The following STAU2 variants were observed in gnomAD, a reference collection of about 807,000 sequenced individuals.
The protein encoded by STAU2 is double-stranded RNA-binding protein Staufen homolog 2.
Under a neutral mutation model 65.9 loss-of-function variants are expected in STAU2, and 20 were observed. That is an observed-to-expected ratio of 0.30 (90% confidence interval 0.21 to 0.44). The LOEUF is 0.44. STAU2 is among the 20% of genes least tolerant of loss of function. The pLI, the probability that STAU2 is intolerant of heterozygous loss-of-function variation, is 1.00. For synonymous variants in STAU2, 232 were observed against 233.9 expected, an observed-to-expected ratio of 0.99 and a Z score of 0.07; for missense variants, 558 against 683.9, an observed-to-expected ratio of 0.82 and a Z score of 2.05.
chr8:73,724,002 T>C (rs1433764499), intron 3 of STAU2, among the ~76,000 whole-genome samples: 4 of 152,244 alleles, frequency 2.6e-5, no homozygotes, highest in African/African-American at 9.6e-5. Flanking sequence ...CTTTCAAGTC[T>C]TGTTTTTATA....
At chr8:73,630,867 C>T (rs567748891) in intron 6 of STAU2, among the ~76,000 whole-genome samples, 21 of 152,324 alleles carry the variant, frequency 1.4e-4, no homozygotes, top group African/African-American at 4.6e-4. Context: ...TATGAAGCTG[C>T]AGCATCTCTA....
intron 13 of STAU2, among the ~76,000 whole-genome samples, chr8:73,458,319 GTAT>G (rs1819175486): frequency 6.6e-6 from 1 of 152,154 alleles, no homozygotes; most frequent in Admixed American, 6.5e-5. Flanking sequence ...TCCCTGTTCA[GTAT>G]TATTCTAAGA....
chr8:73,627,328 A>G (rs1022646505), intron 6 of STAU2, among the ~76,000 whole-genome samples: 2 of 151,624 alleles, frequency 1.3e-5, no homozygotes, highest in Admixed American at 1.3e-4. Context: ...CTTGCTAAAA[A>G]GCAGATTCAG....
At chr8:73,498,462 CT>C (rs935375024) in intron 13 of STAU2, among the ~76,000 whole-genome samples, 13 of 147,968 alleles carry the variant, frequency 8.8e-5, no homozygotes, top group South Asian at 2.1e-4. Flanking sequence ...TGCATGTTTA[CT>C]TTTTTTTTTG....
At chr8:73,632,140 A>C (rs1814140712) in intron 6 of STAU2, among the ~76,000 whole-genome samples, 1 of 152,156 alleles carries the variant, frequency 6.6e-6, no homozygotes, top group Admixed American at 6.6e-5. Context: ...ATATTGCATT[A>C]GAAATATAGA....
chr8:73,517,164 CT>C (rs1822782578), intron 13 of STAU2, among the ~76,000 whole-genome samples: 1 of 152,066 alleles, frequency 6.6e-6, no homozygotes, highest in Admixed American at 6.6e-5. Context: ...TGCCTGTAAT[CT>C]CATCACTTTG....
rs138728668 is a variant in STAU2, at chr8:73,552,315, T to C, written c.1227A>G (p.Pro409=). Residue 409 remains proline, a synonymous_variant, in exon 13 of 15, where the codon CCA becomes CCG. Transcript: ENST00000524300. The part of the protein sequence containing the change: ...PGFPEPTNNT[P]KGILHLSPDV... ...CAGGAGACAAATGAAGAATTCCTTT[T>C]GGAGCTATAAATAAAATGAAGAACA... 26 of 1,609,606 alleles carry C rather than the reference T, an allele frequency of 1.6e-5. No individual in the cohort carries two copies. Among genetic ancestry groups the C allele is most frequent in the Non-Finnish European group, 2.2e-5 (26 of 1,177,944 alleles).
At chr8:73,450,606 G>A (rs1818752086) in intron 13 of STAU2, among the ~76,000 whole-genome samples, 1 of 152,192 alleles carries the variant, frequency 6.6e-6, no homozygotes, top group Non-Finnish European at 1.5e-5. Flanking sequence ...CAAAGTATTG[G>A]TATTCTTCTG....
chr8:73,569,143 G>A (rs926541524), intron 12 of STAU2, among the ~76,000 whole-genome samples: 1 of 152,002 alleles, frequency 6.6e-6, no homozygotes, highest in Non-Finnish European at 1.5e-5. Flanking sequence ...CTTAGCAAAC[G>A]GCACACCAAG....
intron 4 of STAU2, among the ~76,000 whole-genome samples, chr8:73,690,239 G>A (rs897063189): frequency 2.2e-4 from 33 of 147,790 alleles, no homozygotes; most frequent in African/African-American, 8.0e-4. Context: ...TGAGGCAGGA[G>A]AATGGCATGA....
At chr8:73,668,883 A>G (rs961663644) in intron 6 of STAU2, 6 of 568,114 alleles carry the variant, frequency 1.1e-5, no homozygotes, top group Non-Finnish European at 1.6e-5. Flanking sequence ...CATCATCAGT[A>G]GAGGGTGGTA....
At chr8:73,656,605 T>C (rs1254839918) in intron 6 of STAU2, among the ~76,000 whole-genome samples, 2 of 152,248 alleles carry the variant, frequency 1.3e-5, no homozygotes, top group Admixed American at 6.5e-5. Context: ...CATCAAAATA[T>C]TGTTAATTCC....
rs372999391 is a variant in STAU2 at position 73,651,453 on chromosome 8, G to A, written c.410+21654C>T. Reference sequence around the variant, plus strand: ...CAAAATCGCCGCATGAAACACGAACGGCAAATGCAGGACTCCCAGCTGAAC... The same window carrying A: ...CAAAATCGCCGCATGAAACACGAACAGCAAATGCAGGACTCCCAGCTGAAC... On this transcript the variant is annotated intron_variant, in intron 6 of 14. Coordinates refer to ENST00000524300, the MANE Select transcript of STAU2 (RefSeq NM_001164380.2). 936 of 670,738 alleles carry A rather than the reference G, an allele frequency of 1.4e-3. 2 individuals carry two copies. The highest frequency in any genetic ancestry group is 2.3e-3 in the Non-Finnish European group (828 of 360,588). The allele number at this position is 670,738 out of a possible 1,614,324, so 41.5% of individuals were successfully genotyped here. A position where few individuals can be genotyped will look rare whatever the true frequency, so the allele number is the denominator to read the frequency against.
At chr8:73,672,678 T>C (rs1817767113) in intron 6 of STAU2, among the ~76,000 whole-genome samples, 1 of 152,208 alleles carries the variant, frequency 6.6e-6, no homozygotes, top group African/African-American at 2.4e-5. Flanking sequence ...TTACATTATT[T>C]ACATTTTTTC....
intron 6 of STAU2, among the ~76,000 whole-genome samples, chr8:73,643,452 C>T (rs1815141316): frequency 6.6e-6 from 1 of 152,196 alleles, no homozygotes; most frequent in African/African-American, 2.4e-5. Context: ...TCTGCATATC[C>T]TCTGAAATGC....
chr8:73,701,991 A>G (rs778174489), intron 4 of STAU2, among the ~76,000 whole-genome samples: 7 of 152,168 alleles, frequency 4.6e-5, no homozygotes, highest in Non-Finnish European at 8.8e-5. Context: ...GACAAACATC[A>G]CATGTTGTCA....
intron 4 of STAU2, among the ~76,000 whole-genome samples, chr8:73,693,140 A>G (rs1408452657): frequency 6.6e-6 from 1 of 151,914 alleles, no homozygotes; most frequent in Non-Finnish European, 1.5e-5. Flanking sequence ...CAGCCTAGGC[A>G]ACACAGCAAG....
intron 11 of STAU2, among the ~76,000 whole-genome samples, chr8:73,591,881 G>GC (rs1224981628): frequency 2.8e-5 from 1 of 35,586 alleles, no homozygotes; most frequent in African/African-American, 1.3e-4. Context: ...TATCCCAGAG[G>GC]TAAAAAAAAA....
intron 13 of STAU2, among the ~76,000 whole-genome samples, chr8:73,485,563 A>G (rs1699526786): frequency 6.6e-6 from 1 of 152,072 alleles, no homozygotes; most frequent in Non-Finnish European, 1.5e-5. Flanking sequence ...TCAAGAACCA[A>G]TATAATGGCA....
Sources: gnomAD v4.1 joint callset for allele counts (sites outside exome capture counted in the v4.1 genomes callset) on GRCh38, gnomAD v4.1.1 for gene constraint, MANE v1.5 for transcripts, NCBI Gene and HGNC (gene_info 2026-07-23, HGNC 2026-07-21) for gene names.